The following MAP4K2 variants were observed in gnomAD, a reference collection of about 807,000 sequenced individuals.
MAP4K2 encodes the protein B lymphocyte serine/threonine protein kinase.
MAP4K2 carries 85 observed loss-of-function variants against 125.3 expected under a neutral mutation model. The ratio of observed to expected loss-of-function variants is 0.68; its 90% confidence interval spans 0.57 to 0.81. The LOEUF (loss-of-function observed/expected upper bound fraction) is 0.81. Among genes scored for constraint, MAP4K2 ranks in the 40% least tolerant of loss-of-function variants. The pLI, the probability that MAP4K2 is intolerant of heterozygous loss-of-function variation, is 0.00. For missense variants in MAP4K2, 923 were observed against 1,056.4 expected (o/e 0.87, Z 1.75); for synonymous variants, 479 against 445.1 (o/e 1.08, Z -0.96).
In MAP4K2 at chr11:64,785,202, T is replaced by C. The variant is rs1376691201; in HGVS notation, c.*4335A>G. ...GTAGTGACAGAAAGCAGCACAGTTG[T>C]TACTTGGGGATGGGAGGCAAGAAGC... is the stretch of plus-strand genomic sequence containing the variant. On this transcript the variant is annotated 3_prime_UTR_variant, in exon 32 of 32. Coordinates refer to ENST00000294066, the MANE Select transcript of MAP4K2 (RefSeq NM_004579.5). 6.6e-6 allele frequency: 1 copy of C among 152,200 alleles called. No homozygotes were observed. The highest frequency in any genetic ancestry group is 6.5e-5 in the Admixed American group (1 of 15,272). The allele number at this position is 152,200 out of a possible 1,614,324, so 9.4% of individuals were successfully genotyped here. A position where few individuals can be genotyped will look rare whatever the true frequency, so the allele number is the denominator to read the frequency against.
chr11:64,792,245 A>G lies in MAP4K2; in HGVS notation c.1841T>C (p.Leu614Pro), dbSNP rs1173301576. 6.2e-7 allele frequency: 1 copy of G among 1,611,662 alleles called. No individual in the cohort carries two copies. The highest frequency in any genetic ancestry group is 1.7e-5 in the Admixed American group (1 of 59,926). ...CAGGCTGGTGGGCAGGGCGGCCAGC[A>G]GGAAGGTGGCACCCGTGTAGGGGTT... ...VRNPYTGATF[L>P]LAALPTSLLL... The change falls in exon 26 of 32, where the codon CTG (leucine) becomes CCG (proline). Residue 614 changes from leucine to proline, a missense_variant. Physicochemically the swap from Leu to Pro is moderately conservative, Grantham distance 98. Around this residue, in one of 2 missense-constraint regions of MAP4K2, gnomAD observed 833 missense variants for 911.4 expected, o/e 0.91. Transcript: ENST00000294066.
At chr11:64,790,310 A>C (rs1183887426) in intron 28 of MAP4K2, 36 bp from the exon 29 acceptor site, 18 of 1,613,250 alleles carry the variant, frequency 1.1e-5, no homozygotes, top group Non-Finnish European at 1.5e-5. Context: ...GGGGACGGGG[A>C]GGCTCCCTTC....
chr11:64,800,432 A>G (rs1488836167), intron 10 of MAP4K2, 40 bp from the exon 11 acceptor site: 3 of 1,604,504 alleles, frequency 1.9e-6, no homozygotes, highest in African/African-American at 2.7e-5. Context: ...GATCCAGGTT[A>G]GCCCTCGTGC....
intron 24 of MAP4K2, among the ~76,000 whole-genome samples, chr11:64,795,944 T>C (rs1940768952): frequency 6.6e-6 from 1 of 152,096 alleles, no homozygotes; most frequent in African/African-American, 2.4e-5. Context: ...CGAGGACTCA[T>C]GGGATTCTCC....
chr11:64,793,343 C>T (rs1592582742), intron 24 of MAP4K2, among the ~76,000 whole-genome samples: 1 of 152,206 alleles, frequency 6.6e-6, no homozygotes, highest in East Asian at 1.9e-4. Context: ...GGAAAACAGG[C>T]CCGGGGCAGT....
chr11:64,798,243 G>A lies in MAP4K2; in HGVS notation c.1097+551C>T, dbSNP rs552690329. On this transcript the variant is annotated intron_variant, in intron 15 of 31. Coordinates refer to ENST00000294066, the MANE Select transcript of MAP4K2 (RefSeq NM_004579.5). ...TGCAGTGGTGCAGTCTCAGCTCACC[G>A]CAACCTCCGCCTCCCGGGTTCAAGC... is the stretch of plus-strand genomic sequence containing the variant. Among the ~76,000 whole-genome samples, 27 of 152,162 alleles carry A rather than the reference G, an allele frequency of 1.8e-4. No homozygotes were observed. The South Asian group carries it at 5.2e-3, about 29-fold the overall frequency.
At position 64,802,077 on chromosome 11, in the gene MAP4K2, C is replaced by G; in HGVS notation, c.355G>C (p.Glu119Gln). The change falls in exon 5 of 32, where the codon GAG becomes CAG. Residue 119 changes from glutamate (E) to glutamine (Q), a missense_variant. Physicochemically the swap from Glu to Gln is conservative, Grantham distance 29. Transcript: ENST00000294066. ...EERQIAYVCR[E>Q]ALKGLHHLHS... ...ACAGGCCCAGCTACCTTCAGTGCCT[C>G]TCGGCAGACGTAGGCAATCTGCCGC... The G allele has an allele frequency of 6.2e-7, 1 of 1,612,618 alleles. No individual in the cohort carries two copies.
In MAP4K2 at chr11:64,789,497, G is replaced by T. The variant is rs762069053; in HGVS notation, c.*40C>A. 6.5e-7 allele frequency: 1 copy of T among 1,537,286 alleles called. No homozygotes were observed. Among genetic ancestry groups the T allele is most frequent in the Non-Finnish European group, 8.8e-7 (1 of 1,133,230 alleles). On this transcript the variant is annotated 3_prime_UTR_variant, in exon 32 of 32. Transcript: ENST00000294066. Reference sequence around the variant, plus strand: ...GCCCAAAAGGGCCTGCAGCTAAGGCGTGGGGTGGGGCGGGGAGCCCCTGGA... The same window carrying T: ...GCCCAAAAGGGCCTGCAGCTAAGGCTTGGGGTGGGGCGGGGAGCCCCTGGA...
intron 4 of MAP4K2, 40 bp from the exon 5 acceptor site, chr11:64,802,161 G>T (rs1216584154): frequency 3.2e-6 from 5 of 1,575,410 alleles, no homozygotes; most frequent in South Asian, 1.1e-5. Context: ...GGGCCCGGGG[G>T]TCATGCCCAC....
Position 64,789,244 on chromosome 11 carries a change from A to C in MAP4K2, c.*293T>G. ...CAGAAAGAGTAGAAAGGAAATGTGG[A>C]ACAAAATGGAATGGATGGCCCAGGC... On this transcript the variant is annotated 3_prime_UTR_variant, in exon 32 of 32. Coordinates refer to ENST00000294066, the MANE Select transcript of MAP4K2 (RefSeq NM_004579.5). 1 of 476,096 alleles carries C rather than the reference A, an allele frequency of 2.1e-6. No individual in the cohort carries two copies. Among genetic ancestry groups the C allele is most frequent in the African/African-American group, 1.9e-5 (1 of 51,556 alleles). The allele number at this position is 476,096 out of a possible 1,614,324, so 29.5% of individuals were successfully genotyped here.
In MAP4K2 at chr11:64,792,032, CCAGCACCAG is replaced by C. The variant is rs1940513936; in HGVS notation, c.1960_1968del (p.Leu654_Leu656del). ...CACACCTGCGGCAGCTCCTTCCCAT[CCAGCACCAG>C]CGGCTCCAGCATCCCAGCTGGGCTG... On this transcript the variant is annotated inframe_deletion, in exon 27 of 32. Transcript: ENST00000294066. 6.3e-7 allele frequency: 1 copy of C among 1,597,086 alleles called. No individual in the cohort carries two copies. Among genetic ancestry groups the C allele is most frequent in the African/African-American group, 1.3e-5 (1 of 74,712 alleles).
chr11:64,793,679 C>T (rs1370264357), intron 24 of MAP4K2, among the ~76,000 whole-genome samples: 1 of 152,212 alleles, frequency 6.6e-6, no homozygotes, highest in Non-Finnish European at 1.5e-5. Flanking sequence ...CCTCCCTCTC[C>T]CCACATTCCT....
rs564244101 is a variant in MAP4K2 at position 64,793,722 on chromosome 11, G to A, written c.1752-1300C>T. Among the ~76,000 whole-genome samples, 51 of 152,304 alleles carry A rather than the reference G, an allele frequency of 3.3e-4. 1 individual carries two copies. Among genetic ancestry groups the A allele is most frequent in the Admixed American group, 3.1e-3 (47 of 15,296 alleles). ...TCCTCCCCATCTGGTCTTTGGATGGGACAAAAGCATATATTTTGTATTTGT... is the reference window on the plus strand; with the variant it reads ...TCCTCCCCATCTGGTCTTTGGATGGAACAAAAGCATATATTTTGTATTTGT... On this transcript the variant is annotated intron_variant, in intron 24 of 31. Coordinates refer to ENST00000294066, the MANE Select transcript of MAP4K2 (RefSeq NM_004579.5).
chr11:64,797,178 G>A lies in MAP4K2; in HGVS notation c.1291C>T (p.Pro431Ser). The change falls in exon 19 of 32, where the codon CCT becomes TCT. Residue 431 changes from proline to serine, a missense_variant. Pro to Ser is a moderately conservative substitution (Grantham distance 74, BLOSUM62 -1). Coordinates refer to ENST00000294066, the MANE Select transcript of MAP4K2 (RefSeq NM_004579.5). ...LSSPPGTLPP[P>S]PSGPNSSPLL... ...GGGGAGCTGTTGGGGCCTGAAGGAGGTGGGGGCAGGGTTCCTGCAGGCACA... is the reference window on the plus strand; with the variant it reads ...GGGGAGCTGTTGGGGCCTGAAGGAGATGGGGGCAGGGTTCCTGCAGGCACA... 2 of 1,613,780 alleles carry A rather than the reference G, an allele frequency of 1.2e-6. No individual in the cohort carries two copies. The highest frequency in any genetic ancestry group is 1.7e-6 in the Non-Finnish European group (2 of 1,179,890).
At position 64,797,363 on chromosome 11, in the gene MAP4K2, G is replaced by A. The variant is rs771231481; in HGVS notation, c.1188C>T (p.Asp396=). Residue 396 remains aspartate, a synonymous_variant, in exon 18 of 32, where the codon GAC becomes GAT. Transcript: ENST00000294066. The part of the protein sequence containing the change: ...ASEFQELDSP[D]DTMGTIKRAP... ...CCCGCTTGATGGTTCCCATGGTATCGTCTGGGGAGTCCAGCTCCTGGTAGG... is the reference window on the plus strand; with the variant it reads ...CCCGCTTGATGGTTCCCATGGTATCATCTGGGGAGTCCAGCTCCTGGTAGG... 1.6e-5 allele frequency: 26 copies of A among 1,589,742 alleles called. No homozygotes were observed. The highest frequency in any genetic ancestry group is 1.6e-4 in the Admixed American group (9 of 56,020).
At position 64,797,028 on chromosome 11, in the gene MAP4K2, G is replaced by A. The variant is rs1308904370; in HGVS notation, c.1366-5C>T. 1 of 1,614,116 alleles carries A rather than the reference G, an allele frequency of 6.2e-7. No homozygotes were observed. Among genetic ancestry groups the A allele is most frequent in the Non-Finnish European group, 8.5e-7 (1 of 1,180,000 alleles). The stretch of plus-strand genomic sequence containing the variant: ...GAGCCCGTGGCAGGATGACCTCTGG[G>A]AGGGAGGAAAGGAGTCAGGGCTGAT... On this transcript the variant is annotated splice_polypyrimidine_tract_variant and splice_region_variant and intron_variant, in intron 19 of 31. Coordinates refer to ENST00000294066, the MANE Select transcript of MAP4K2 (RefSeq NM_004579.5).
At chr11:64,802,794 G>C (rs1941301165) in intron 2 of MAP4K2, 91 bp downstream of exon 2, 1 of 1,493,192 alleles carries the variant, frequency 6.7e-7, no homozygotes, top group Non-Finnish European at 9.1e-7. Flanking sequence ...CGCCTCTCAG[G>C]GGTCTCGGAA....
chr11:64,796,751 C>T lies in MAP4K2; in HGVS notation c.1493-38G>A, dbSNP rs771454088. On this transcript the variant is annotated intron_variant, in intron 21 of 31. Transcript: ENST00000294066. Reference sequence around the variant, plus strand: ...GCATGGGGTCAGAGGTCAGACATGGCCCCTGGCCCAAGCTGAGGGATTCCT... The same window carrying T: ...GCATGGGGTCAGAGGTCAGACATGGTCCCTGGCCCAAGCTGAGGGATTCCT... The T allele has an allele frequency of 1.9e-6, 3 of 1,613,706 alleles. No individual in the cohort carries two copies. The South Asian group carries it at 3.3e-5, about 18-fold the overall frequency.
intron 14 of MAP4K2, 129 bp from the exon 15 acceptor site, chr11:64,798,966 G>A (rs1940994754): frequency 5.2e-6 from 4 of 770,052 alleles, no homozygotes. Flanking sequence ...GAAACACACA[G>A]AAGATGAGAG....
Sources: allele counts gnomAD v4.1 joint callset (sites outside exome capture counted in the v4.1 genomes callset), GRCh38; gene constraint gnomAD v4.1.1; regional missense constraint gnomAD v4.1.1; transcripts MANE v1.5; gene names NCBI Gene and HGNC (gene_info 2026-07-23, HGNC 2026-07-21).